Variants in TTC7B observed in about 807,000 individuals in gnomAD.
The protein encoded by TTC7B is tetratricopeptide repeat domain 7B.
In TTC7B, 28 loss-of-function variants were observed where a neutral mutation model predicts 106.8. That is an observed-to-expected ratio of 0.26 (90% confidence interval 0.19 to 0.36). The LOEUF (loss-of-function observed/expected upper bound fraction) is 0.36, where lower values mean the gene tolerates loss of function less well. Ranked by LOEUF, TTC7B falls within the 10% of genes least tolerant of loss-of-function variation. The probability of loss-of-function intolerance (pLI) is 1.00; values close to 1 mark genes in which losing one functional copy is unlikely to be tolerated. For missense variants in TTC7B, 862 were observed against 1,076.4 expected (o/e 0.80, Z 2.79); for synonymous variants, 405 against 430.6 (o/e 0.94, Z 0.74).
intron 2 of TTC7B, among the ~76,000 whole-genome samples, chr14:90,781,489 A>T (rs1595369100): frequency 6.6e-6 from 1 of 152,148 alleles, no homozygotes. Context: ...CCAAAACAAA[A>T]CCCTGCGGCT....
chr14:90,753,705 GA>G (rs1413823268), intron 3 of TTC7B, among the ~76,000 whole-genome samples: 1 of 152,226 alleles, frequency 6.6e-6, no homozygotes, highest in Non-Finnish European at 1.5e-5. Context: ...TCTTGGCTGG[GA>G]GCCACAGTTG....
chr14:90,705,988 G>A (rs976458197), intron 5 of TTC7B, among the ~76,000 whole-genome samples: 3 of 152,062 alleles, frequency 2.0e-5, no homozygotes, highest in Admixed American at 6.5e-5. Flanking sequence ...AGCTAGATCC[G>A]CAGGCTTGAT....
chr14:90,695,074 T>G (rs1290943202), intron 6 of TTC7B, among the ~76,000 whole-genome samples: 14 of 45,142 alleles, frequency 3.1e-4, no homozygotes, highest in East Asian at 9.5e-4. Context: ...TTATAAAATA[T>G]ATTTTATTTT....
intron 16 of TTC7B, among the ~76,000 whole-genome samples, chr14:90,617,103 G>T (rs1168839514): frequency 1.3e-5 from 2 of 152,172 alleles, no homozygotes; most frequent in Non-Finnish European, 2.9e-5. Flanking sequence ...ACCTTCCCCG[G>T]GTTATCTGAC....
At chr14:90,700,356 A>G (rs1490476103) in intron 5 of TTC7B, among the ~76,000 whole-genome samples, 1 of 152,164 alleles carries the variant, frequency 6.6e-6, no homozygotes, top group Non-Finnish European at 1.5e-5. Flanking sequence ...AGGCCAGCCT[A>G]GATAGCACTT....
rs184237474 is a variant in TTC7B at position 90,744,588 on chromosome 14, T to A, written c.576+204A>T. ...CCTCCCAAAGTGCTAGGATTACAGG[T>A]GTGAGCCACCACGCTGGCCCAACCA... is the stretch of plus-strand genomic sequence containing the variant. On this transcript the variant is annotated intron_variant, in intron 4 of 19. Coordinates refer to ENST00000328459, the MANE Select transcript of TTC7B (RefSeq NM_001010854.2). Among the ~76,000 whole-genome samples the A allele has an allele frequency of 3.1e-3, 478 of 152,250 alleles. 5 individuals are homozygous for A. Among genetic ancestry groups the A allele is most frequent in the Non-Finnish European group, 3.7e-3 (249 of 68,012 alleles).
At chr14:90,744,971 G>C (rs1009347604) in intron 3 of TTC7B, 49 bp from the exon 4 acceptor site, 3 of 1,599,824 alleles carry the variant, frequency 1.9e-6, no homozygotes, top group Non-Finnish European at 1.7e-6. Flanking sequence ...TTTTCATAAG[G>C]CTTCATTTTT....
intron 4 of TTC7B, among the ~76,000 whole-genome samples, chr14:90,736,247 G>A (rs1319774060): frequency 6.6e-6 from 1 of 151,798 alleles, no homozygotes; most frequent in East Asian, 1.9e-4. Context: ...AGGTTTCTCT[G>A]TACATAGTGA....
chr14:90,699,888 G>T (rs538144499), intron 5 of TTC7B, among the ~76,000 whole-genome samples: 10 of 152,190 alleles, frequency 6.6e-5, no homozygotes, highest in Non-Finnish European at 1.2e-4. Flanking sequence ...CCACAAAAAT[G>T]TAAGTGCCTC....
intron 1 of TTC7B, among the ~76,000 whole-genome samples, chr14:90,800,855 A>G (rs190707430): frequency 3.2e-4 from 49 of 151,808 alleles, no homozygotes; most frequent in Admixed American, 1.2e-3. Context: ...AGAAGTAGGG[A>G]GAATGAATAG....
At chr14:90,591,337 A>AC (rs1891949915) in intron 18 of TTC7B, among the ~76,000 whole-genome samples, 1 of 151,946 alleles carries the variant, frequency 6.6e-6, no homozygotes, top group African/African-American at 2.4e-5. Context: ...TGAGACTCCA[A>AC]CCCCCCGAAA....
intron 14 of TTC7B, 101 bp downstream of exon 14, chr14:90,646,850 T>A: frequency 9.0e-7 from 1 of 1,106,190 alleles, no homozygotes; most frequent in Non-Finnish European, 1.4e-6. Context: ...TCAGCCTCAA[T>A]GGAATAAAGG....
intron 19 of TTC7B, among the ~76,000 whole-genome samples, chr14:90,554,590 C>T (rs756477954): frequency 3.3e-5 from 5 of 152,334 alleles, no homozygotes; most frequent in South Asian, 2.1e-4. Flanking sequence ...ACTCGAGCCA[C>T]GCTCTTGCCC....
In TTC7B at chr14:90,734,421, C is replaced by CAA. The variant is rs34498613; in HGVS notation, c.577-4227_577-4226dup. Among the ~76,000 whole-genome samples, 152 of 119,730 alleles carry CAA rather than the reference C, an allele frequency of 1.3e-3. 2 individuals carry two copies. Among genetic ancestry groups the CAA allele is most frequent in the Admixed American group, 7.7e-3 (92 of 11,968 alleles). 78.5% of individuals were successfully genotyped at this position (119,730 alleles called of 152,430 possible). ...AGTGACAGAGTGAGACTCTGTCTCCCAAAAAAAAAAAAAAAGAAAGGAGGA... is the reference window on the plus strand; with the variant it reads ...AGTGACAGAGTGAGACTCTGTCTCCCAAAAAAAAAAAAAAAAAGAAAGGAGGA... On this transcript the variant is annotated intron_variant, in intron 4 of 19. Transcript: ENST00000328459.
intron 19 of TTC7B, among the ~76,000 whole-genome samples, chr14:90,546,927 T>G (rs1315519011): frequency 6.6e-6 from 1 of 152,240 alleles, no homozygotes; most frequent in Non-Finnish European, 1.5e-5. Context: ...ACAGACCAGA[T>G]GACCCGCCTA....
chr14:90,736,217 T>G (rs1039090182), intron 4 of TTC7B, among the ~76,000 whole-genome samples: 2 of 151,974 alleles, frequency 1.3e-5, no homozygotes, highest in Admixed American at 6.6e-5. Context: ...TTTTGTATGT[T>G]TGTTTTTGTT....
rs77908691 is a variant in TTC7B at position 90,672,817 on chromosome 14, A to G, written c.1152+3706T>C. Among the ~76,000 whole-genome samples the G allele has an allele frequency of 5.3e-5, 8 of 152,302 alleles. No homozygotes were observed. The East Asian group carries it at 1.5e-3, about 29-fold the overall frequency. On this transcript the variant is annotated intron_variant, in intron 9 of 19. Coordinates refer to ENST00000328459, the MANE Select transcript of TTC7B (RefSeq NM_001010854.2). The stretch of plus-strand genomic sequence containing the variant: ...CCCCTGTGCCTAGTAACTCCTGTAT[A>G]TACAGTGGTAGTAACTGCAGCAGCA...
At chr14:90,736,709 A>G (rs1482057346) in intron 4 of TTC7B, among the ~76,000 whole-genome samples, 1 of 151,972 alleles carries the variant, frequency 6.6e-6, no homozygotes, top group Non-Finnish European at 1.5e-5. Context: ...ACAAAGTGAG[A>G]ACCTGTCTAC....
At chr14:90,626,430 C>T (rs933632987) in intron 15 of TTC7B, among the ~76,000 whole-genome samples, 40 of 152,278 alleles carry the variant, frequency 2.6e-4, no homozygotes, top group African/African-American at 8.7e-4. Context: ...TAGCCCTGCC[C>T]GGGTCCTCCA....
Sources: gnomAD v4.1 joint callset for allele counts (sites outside exome capture counted in the v4.1 genomes callset) on GRCh38, gnomAD v4.1.1 for gene constraint, MANE v1.5 for transcripts, NCBI Gene and HGNC (gene_info 2026-07-23, HGNC 2026-07-21) for gene names.